CDC37L1: variants seen among roughly 807,000 people sequenced by gnomAD.
CDC37L1 encodes hsp90 co-chaperone Cdc37-like 1.
In CDC37L1, 32 loss-of-function variants were observed where a neutral mutation model predicts 45.9. That is an observed-to-expected ratio of 0.70 (90% CI 0.53 to 0.94). The LOEUF (loss-of-function observed/expected upper bound fraction) is 0.94, where lower values mean the gene tolerates loss of function less well. CDC37L1 is among the 40% of genes least tolerant of loss of function. The pLI is 0.00. For synonymous variants in CDC37L1, 150 were observed against 133.0 expected (o/e 1.13, Z -0.88); for missense variants, 434 against 405.7 (o/e 1.07, Z -0.60).
chr9:4,697,722 A>G (rs776512488), intron 4 of CDC37L1, 35 bp from the exon 5 acceptor site: 13 of 1,010,700 alleles, frequency 1.3e-5, no homozygotes, highest in Non-Finnish European at 1.8e-5. Context: ...ATATATTTAT[A>G]TATTTGTTTC....
chr9:4,680,707 T>G (rs1339842654), intron 1 of CDC37L1, among the ~76,000 whole-genome samples: 2 of 152,172 alleles, frequency 1.3e-5, no homozygotes, highest in Non-Finnish European at 2.9e-5. Context: ...AATCCGTGTG[T>G]GTTTTGGAAG....
chr9:4,704,312 G>A (rs1034072516), intron 6 of CDC37L1, among the ~76,000 whole-genome samples: 1 of 152,010 alleles, frequency 6.6e-6, no homozygotes, highest in Non-Finnish European at 1.5e-5. Flanking sequence ...TTCTACTTTT[G>A]GATTTCTATT....
In CDC37L1 at chr9:4,706,001, T is replaced by C. The variant is rs1404845975; in HGVS notation, c.913-10T>C. ...TTTCTCCCCCCAATCTACCTTTTCT[T>C]TTTCCCCAGAATCCAGATTATCTTC... On this transcript the variant is annotated splice_polypyrimidine_tract_variant and intron_variant, in intron 6 of 6. Transcript: ENST00000381854. The C allele has an allele frequency of 4.9e-6, 7 of 1,415,634 alleles. No individual in the cohort carries two copies. The highest frequency in any genetic ancestry group is 7.0e-6 in the Non-Finnish European group (7 of 1,001,560). 87.7% of individuals were successfully genotyped at this position (1,415,634 alleles called of 1,614,324 possible).
chr9:4,691,436 G>T lies in CDC37L1; in HGVS notation c.508+2830G>T, dbSNP rs142240223. Among the ~76,000 whole-genome samples the T allele has an allele frequency of 1.3e-3, 200 of 152,290 alleles. 2 individuals carry two copies. Among genetic ancestry groups the T allele is most frequent in the African/African-American group, 4.7e-3 (195 of 41,550 alleles). On this transcript the variant is annotated intron_variant, in intron 3 of 6. Transcript: ENST00000381854. ...GAGAATATGCGGTATTTGGTTTTCT[G>T]TTCCTTTGTTAGTTTGCTTAGGATA...
At chr9:4,703,286 G>C (rs1425689645) in intron 6 of CDC37L1, 3 of 420,692 alleles carry the variant, frequency 7.1e-6, no homozygotes, top group African/African-American at 2.1e-5. Flanking sequence ...TGTCCTTTAA[G>C]GAAAGTGATT....
At chr9:4,697,602 A>G (rs1395536850) in intron 4 of CDC37L1, among the ~76,000 whole-genome samples, 155 bp from the exon 5 acceptor site, 1 of 152,166 alleles carries the variant, frequency 6.6e-6, no homozygotes, top group Non-Finnish European at 1.5e-5. Context: ...TAATAAAAAA[A>G]AAACTAAGAT....
At chr9:4,699,857 T>C (rs1387480786) in intron 5 of CDC37L1, among the ~76,000 whole-genome samples, 2 of 152,206 alleles carry the variant, frequency 1.3e-5, no homozygotes, top group Non-Finnish European at 2.9e-5. Context: ...TTTGAACATA[T>C]ACAATTAGAA....
Position 4,679,831 on chromosome 9 carries a change from G to A in CDC37L1, c.64G>A (p.Glu22Lys). The change falls in exon 1 of 7, where the codon GAA (glutamate) becomes AAA (lysine). Residue 22 changes from glutamate (E) to lysine (K), a missense_variant. Transcript: ENST00000381854. Reference protein sequence around the residue: ...SLPRAEGEAEEESDFDVFPSS... With the variant: ...SLPRAEGEAEKESDFDVFPSS... ...CCCTCGGGCCGAGGGTGAGGCTGAG[G>A]AAGAGAGTGACTTCGACGTGTTCCC... 1 of 1,613,988 alleles carries A rather than the reference G, an allele frequency of 6.2e-7. No individual in the cohort carries two copies. The highest frequency in any genetic ancestry group is 8.5e-7 in the Non-Finnish European group (1 of 1,179,962).
intron 6 of CDC37L1, among the ~76,000 whole-genome samples, chr9:4,705,170 C>T (rs1563773951): frequency 1.3e-5 from 2 of 152,096 alleles, no homozygotes; most frequent in African/African-American, 2.4e-5. Context: ...CTACTGTCCT[C>T]ACTGGTGTTT....
intron 3 of CDC37L1, among the ~76,000 whole-genome samples, chr9:4,694,456 A>G (rs947859537): frequency 2.6e-5 from 4 of 152,308 alleles, no homozygotes; most frequent in African/African-American, 4.8e-5. Flanking sequence ...GAACTTCTCA[A>G]TTTCATACTA....
chr9:4,699,018 A>G (rs1472524922), intron 5 of CDC37L1, among the ~76,000 whole-genome samples: 1 of 152,172 alleles, frequency 6.6e-6, no homozygotes, highest in Non-Finnish European at 1.5e-5. Flanking sequence ...TGTTTTAAAA[A>G]TTCCTCAGTT....
chr9:4,705,298 G>A (rs958751859), intron 6 of CDC37L1, among the ~76,000 whole-genome samples: 1 of 152,176 alleles, frequency 6.6e-6, no homozygotes, highest in African/African-American at 2.4e-5. Context: ...ATTTTCTAAA[G>A]TTCTGGGTCT....
Position 4,708,054 on chromosome 9 carries a change from G to A in CDC37L1, c.*1942G>A, listed in dbSNP as rs1484418787. The A allele has an allele frequency of 6.6e-6, 1 of 152,194 alleles. No homozygotes were observed. The highest frequency in any genetic ancestry group is 1.9e-4 in the East Asian group (1 of 5,200). The allele number at this position is 152,194 out of a possible 1,614,324, so 9.4% of individuals were successfully genotyped here. On this transcript the variant is annotated 3_prime_UTR_variant, in exon 7 of 7. Coordinates refer to ENST00000381854, the MANE Select transcript of CDC37L1 (RefSeq NM_017913.4). ...TTTTACTTGCAAAAGAATATACTGT[G>A]TTTTGAGTATGAAAGTGTGATTGGG... is the stretch of plus-strand genomic sequence containing the variant.
chr9:4,681,602 T>A (rs190258274), intron 1 of CDC37L1, among the ~76,000 whole-genome samples: 9 of 152,130 alleles, frequency 5.9e-5, no homozygotes, highest in Non-Finnish European at 1.2e-4. Context: ...CACCATTGCA[T>A]TCCAGCCTGG....
At chr9:4,688,707 A>G in intron 3 of CDC37L1, 101 bp downstream of exon 3, 9 of 749,998 alleles carry the variant, frequency 1.2e-5, no homozygotes, top group Non-Finnish European at 1.9e-5. Context: ...GAAAAGTGGC[A>G]AACTCCAATT....
At chr9:4,705,897 A>G (rs571484511) in intron 6 of CDC37L1, 114 bp from the exon 7 acceptor site, 3 of 472,864 alleles carry the variant, frequency 6.3e-6, no homozygotes, top group South Asian at 9.9e-5. Flanking sequence ...CTACTGCTCT[A>G]CTACACTGCA....
intron 3 of CDC37L1, among the ~76,000 whole-genome samples, chr9:4,696,541 G>C (rs1841349878): frequency 6.6e-6 from 1 of 151,660 alleles, no homozygotes; most frequent in Non-Finnish European, 1.5e-5. Flanking sequence ...ATGACTGACT[G>C]GACAACATTA....
intron 1 of CDC37L1, 58 bp downstream of exon 1, chr9:4,679,957 G>A: frequency 1.3e-6 from 2 of 1,597,560 alleles, no homozygotes. Flanking sequence ...CAAACCCCTG[G>A]AATGCCGCGT....
At chr9:4,681,939 G>C (rs1403528148) in intron 1 of CDC37L1, among the ~76,000 whole-genome samples, 2 of 152,120 alleles carry the variant, frequency 1.3e-5, no homozygotes, top group Non-Finnish European at 2.9e-5. Context: ...TCATGGATTA[G>C]AATGTGACCT....
Sources: allele counts gnomAD v4.1 joint callset (sites outside exome capture counted in the v4.1 genomes callset), GRCh38; gene constraint gnomAD v4.1.1; transcripts MANE v1.5; gene names NCBI Gene and HGNC (gene_info 2026-07-23, HGNC 2026-07-21).